The following AGTR1 variants were observed in gnomAD, a reference collection of about 807,000 sequenced individuals.
AGTR1 encodes the protein angiotensin II receptor type 1.
AGTR1 carries 16 observed loss-of-function variants against 19.4 expected under a neutral mutation model. The ratio of observed to expected loss-of-function variants is 0.82; its 90% CI spans 0.56 to 1.25. AGTR1 has a LOEUF of 1.25. AGTR1 is among the 50% of genes most tolerant of loss of function. AGTR1 has a pLI of 0.00. For synonymous variants in AGTR1, 153 were observed against 154.9 expected (o/e 0.99, Z 0.09); for missense variants, 373 against 431.9 (o/e 0.86, Z 1.21).
Position 148,742,365 on chromosome 3 carries a change from C to T in AGTR1, c.*250C>T. 2 of 593,680 alleles carry T rather than the reference C, an allele frequency of 3.4e-6. No homozygotes were observed. Among genetic ancestry groups the T allele is most frequent in the Non-Finnish European group, 6.2e-6 (2 of 321,908 alleles). 36.8% of individuals were successfully genotyped at this position (593,680 alleles called of 1,614,324 possible). A position where few individuals can be genotyped will look rare whatever the true frequency, so the allele number is the denominator to read the frequency against. On this transcript the variant is annotated 3_prime_UTR_variant, in exon 3 of 3. Transcript: ENST00000349243. ...TGCTCGAAGAACAATGTCAGAAACTCGATGAATGTGTTGATTTGAGAAATT... is the reference window on the plus strand; with the variant it reads ...TGCTCGAAGAACAATGTCAGAAACTTGATGAATGTGTTGATTTGAGAAATT...
intron 2 of AGTR1, among the ~76,000 whole-genome samples, chr3:148,722,314 T>A (rs1713692873): frequency 6.6e-6 from 1 of 152,206 alleles, no homozygotes; most frequent in African/African-American, 2.4e-5. Context: ...TTTGAACATA[T>A]TAAATGAAGA....
Position 148,742,340 on chromosome 3 carries a change from T to G in AGTR1, c.*225T>G. ...CATTTTGCATTAGACAGATGACGGC[T>G]GCTCGAAGAACAATGTCAGAAACTC... is the stretch of plus-strand genomic sequence containing the variant. On this transcript the variant is annotated 3_prime_UTR_variant, in exon 3 of 3. Coordinates refer to ENST00000349243, the MANE Select transcript of AGTR1 (RefSeq NM_000685.5). 1 of 667,244 alleles carries G rather than the reference T, an allele frequency of 1.5e-6. No individual in the cohort carries two copies. The highest frequency in any genetic ancestry group is 2.7e-6 in the Non-Finnish European group (1 of 367,744). 41.3% of individuals were successfully genotyped at this position (667,244 alleles called of 1,614,324 possible).
At chr3:148,719,030 T>C (rs1713458230) in intron 2 of AGTR1, among the ~76,000 whole-genome samples, 1 of 152,214 alleles carries the variant, frequency 6.6e-6, no homozygotes. Context: ...TCTCCTTCAT[T>C]TCTTAAAGTG....
rs1377559661 is a variant in AGTR1, at chr3:148,697,944, G to A, written c.-315G>A. On this transcript the variant is annotated 5_prime_UTR_variant, in exon 1 of 3. Transcript: ENST00000349243. ...GCCAGGACCCCAGGCAGCAGCGAGT[G>A]ACAGGACGTCTGGACCGGCGCGCCG... The A allele has an allele frequency of 6.6e-6, 1 of 152,456 alleles. No individual in the cohort carries two copies. Among genetic ancestry groups the A allele is most frequent in the Non-Finnish European group, 1.5e-5 (1 of 68,214 alleles). 9.4% of individuals were successfully genotyped at this position (152,456 alleles called of 1,614,324 possible). A position where few individuals can be genotyped will look rare whatever the true frequency, so the allele number is the denominator to read the frequency against.
At chr3:148,732,803 G>C (rs560856656) in intron 2 of AGTR1, among the ~76,000 whole-genome samples, 2 of 142,256 alleles carry the variant, frequency 1.4e-5, no homozygotes, top group South Asian at 2.4e-4. Context: ...TGCAGTGGCG[G>C]GATCTCGGCT....
rs12695888 is a variant in AGTR1 at position 148,718,830 on chromosome 3, A to C, written c.-48+10803A>C. 3.3e-3 allele frequency among the ~76,000 whole-genome samples: 503 copies of C among 152,344 alleles called. 2 individuals carry two copies. Among genetic ancestry groups the C allele is most frequent in the African/African-American group, 0.012 (492 of 41,570 alleles). ...ATGCTTTAAAATTTGAAGTTGAAAC[A>C]TGGGTTTTAAATATATTGAGATAAA... On this transcript the variant is annotated intron_variant, in intron 2 of 2. Transcript: ENST00000349243.
intron 2 of AGTR1, among the ~76,000 whole-genome samples, chr3:148,735,063 A>G (rs1010373754): frequency 2.0e-5 from 3 of 152,146 alleles, no homozygotes; most frequent in Admixed American, 6.5e-5. Flanking sequence ...CACTAGATAC[A>G]CAGCTGAGAT....
chr3:148,715,504 C>T (rs975195879), intron 2 of AGTR1, among the ~76,000 whole-genome samples: 6 of 152,056 alleles, frequency 3.9e-5, no homozygotes, highest in Non-Finnish European at 7.4e-5. Flanking sequence ...CACCAGCCTC[C>T]ATTAGAGACA....
At chr3:148,704,177 C>T (rs1712522312) in intron 1 of AGTR1, among the ~76,000 whole-genome samples, 1 of 151,826 alleles carries the variant, frequency 6.6e-6, no homozygotes, top group African/African-American at 2.4e-5. Flanking sequence ...ACTGAGACCC[C>T]CATCTCTACA....
At chr3:148,727,402 C>G (rs1714011826) in intron 2 of AGTR1, among the ~76,000 whole-genome samples, 1 of 152,162 alleles carries the variant, frequency 6.6e-6, no homozygotes, top group Non-Finnish European at 1.5e-5. Context: ...CAGATCGATG[C>G]CCTCTGATCC....
chr3:148,711,855 C>A (rs1713002796), intron 2 of AGTR1, among the ~76,000 whole-genome samples: 1 of 152,074 alleles, frequency 6.6e-6, no homozygotes. Context: ...CTCAAGCCAT[C>A]CTCCTATCTC....
chr3:148,704,457 C>T (rs1030886609), intron 1 of AGTR1, among the ~76,000 whole-genome samples: 2 of 152,120 alleles, frequency 1.3e-5, no homozygotes, highest in Admixed American at 6.5e-5. Flanking sequence ...TGCTCTCATG[C>T]TATAAAGTAA....
chr3:148,724,604 AT>A (rs1713827631), intron 2 of AGTR1, among the ~76,000 whole-genome samples: 1 of 152,186 alleles, frequency 6.6e-6, no homozygotes, highest in Non-Finnish European at 1.5e-5. Flanking sequence ...TGACCCATGA[AT>A]TTCTTTCTAT....
intron 2 of AGTR1, chr3:148,730,182 G>C: frequency 2.5e-6 from 1 of 398,422 alleles, no homozygotes; most frequent in Non-Finnish European, 4.4e-6. Flanking sequence ...TTTTCCAGAT[G>C]AAGAAAATGA....
intron 2 of AGTR1, among the ~76,000 whole-genome samples, chr3:148,726,546 A>G (rs1265537839): frequency 1.3e-5 from 2 of 152,114 alleles, no homozygotes; most frequent in East Asian, 3.9e-4. Context: ...TCTTAAGTTA[A>G]ATTGCTCTTT....
chr3:148,741,642 G>T lies in AGTR1; in HGVS notation c.607G>T (p.Gly203Cys). The change falls in exon 3 of 3, where the codon GGT (glycine) becomes TGT (cysteine). Residue 203 changes from glycine to cysteine, a missense_variant. Coordinates refer to ENST00000349243, the MANE Select transcript of AGTR1 (RefSeq NM_000685.5). Reference sequence around the variant, plus strand: ...GCTGGGCCTGACCAAAAATATACTGGGTTTCCTGTTTCCTTTTCTGATCAT... The same window carrying T: ...GCTGGGCCTGACCAAAAATATACTGTGTTTCCTGTTTCCTTTTCTGATCAT... ...IGLGLTKNIL[G>C]FLFPFLIILT... 3 of 1,613,976 alleles carry T rather than the reference G, an allele frequency of 1.9e-6. No individual in the cohort carries two copies. In the South Asian group the frequency reaches 3.3e-5, roughly 18 times the overall value.
At chr3:148,707,591 A>G (rs33978228) in intron 1 of AGTR1, among the ~76,000 whole-genome samples, 58,115 of 137,124 alleles carry the variant, frequency 0.42, 13,188 homozygotes, top group East Asian at 0.55. Context: ...AATCCAATCT[A>G]TTTTCATATT....
chr3:148,730,103 T>C (rs1391731476), intron 2 of AGTR1: 1 of 396,540 alleles, frequency 2.5e-6, no homozygotes, highest in Non-Finnish European at 4.4e-6. Context: ...CAACAATGTT[T>C]TGCACCAAAC....
intron 2 of AGTR1, among the ~76,000 whole-genome samples, chr3:148,710,683 G>T (rs1164191339): frequency 6.6e-6 from 1 of 152,064 alleles, no homozygotes; most frequent in East Asian, 1.9e-4. Flanking sequence ...TAATAAAAAT[G>T]TACATATTAG....
Sources: gnomAD v4.1 joint callset for allele counts (sites outside exome capture counted in the v4.1 genomes callset) on GRCh38, gnomAD v4.1.1 for gene constraint, MANE v1.5 for transcripts, NCBI Gene and HGNC (gene_info 2026-07-23, HGNC 2026-07-21) for gene names.